The following LHFPL3 variants were observed in gnomAD, a reference collection of about 807,000 sequenced individuals.
LHFPL3 encodes LHFPL tetraspan subfamily member 3 protein.
A neutral mutation model predicts 19.3 loss-of-function variants in LHFPL3; 5 were observed. The ratio of observed to expected loss-of-function variants is 0.26; its 90% confidence interval spans 0.14 to 0.54. The LOEUF is 0.54. LHFPL3 is among the 20% of genes least tolerant of loss of function. The probability of loss-of-function intolerance (pLI) is 0.94; values close to 1 mark genes in which losing one functional copy is unlikely to be tolerated. For missense variants in LHFPL3, 249 were observed against 307.4 expected (o/e 0.81, Z 1.42); for synonymous variants, 133 against 126.2 (o/e 1.05, Z -0.36).
chr7:104,744,090 G>T (rs1793992906), intron 2 of LHFPL3: 1 of 151,694 alleles, frequency 6.6e-6, no homozygotes, highest in Non-Finnish European at 1.5e-5. Flanking sequence ...AGGCCCAAGG[G>T]ATCCACTTGC....
intron 2 of LHFPL3, among the ~76,000 whole-genome samples, chr7:104,873,044 T>C (rs1197578147): frequency 6.6e-6 from 1 of 152,212 alleles, no homozygotes; most frequent in African/African-American, 2.4e-5. Context: ...ACAGCTACAA[T>C]GTCATTAAAC....
intron 1 of LHFPL3, among the ~76,000 whole-genome samples, chr7:104,540,458 G>A (rs1338715523): frequency 6.6e-6 from 1 of 152,160 alleles, no homozygotes; most frequent in Admixed American, 6.5e-5. Flanking sequence ...ATAATGCACA[G>A]GACAGTCCCC....
chr7:104,736,728 G>A lies in LHFPL3; in HGVS notation c.499G>A (p.Glu167Lys). Residue 167 changes from glutamate (E) to lysine (K), a missense_variant, in exon 2 of 3, where the codon GAA becomes AAA. By Grantham distance (56) the Glu-to-Lys change is moderately conservative. Transcript: ENST00000424859. ...MIFPDGWDSDEVKRMCGEKTD... is the reference protein window; with the variant it reads ...MIFPDGWDSDKVKRMCGEKTD... ...TTTCCCTGATGGCTGGGACTCAGAT[G>A]AAGTAAAACGGATGTGTGGAGAAAA... The A allele has an allele frequency of 6.2e-7, 1 of 1,613,714 alleles. No homozygotes were observed. The highest frequency in any genetic ancestry group is 8.5e-7 in the Non-Finnish European group (1 of 1,179,820).
chr7:104,668,543 C>T, intron 1 of LHFPL3: 1 of 1,613,078 alleles, frequency 6.2e-7, no homozygotes, highest in South Asian at 1.1e-5. Context: ...ATGATAGAGG[C>T]TATGATTCCC....
chr7:104,746,416 C>T (rs373268372), intron 2 of LHFPL3, among the ~76,000 whole-genome samples: 1 of 152,158 alleles, frequency 6.6e-6, no homozygotes. Context: ...TTCCAATGCA[C>T]AGCCAGTATT....
chr7:104,766,378 C>T (rs1190897226), intron 2 of LHFPL3, among the ~76,000 whole-genome samples: 1 of 152,200 alleles, frequency 6.6e-6, no homozygotes, highest in African/African-American at 2.4e-5. Flanking sequence ...GGACATGAAC[C>T]AATAGCAAAG....
intron 1 of LHFPL3, among the ~76,000 whole-genome samples, chr7:104,409,467 T>C (rs1421725414): frequency 6.6e-6 from 1 of 151,968 alleles, no homozygotes; most frequent in Non-Finnish European, 1.5e-5. Flanking sequence ...AATACAAAAA[T>C]TAGCTGGGCA....
At chr7:104,555,163 C>T (rs1322927892) in intron 1 of LHFPL3, among the ~76,000 whole-genome samples, 1 of 152,132 alleles carries the variant, frequency 6.6e-6, no homozygotes, top group Non-Finnish European at 1.5e-5. Flanking sequence ...ATCTAGGTAT[C>T]CATTAAGCCA....
At chr7:104,753,924 T>C (rs546735085) in intron 2 of LHFPL3, among the ~76,000 whole-genome samples, 1 of 152,182 alleles carries the variant, frequency 6.6e-6, no homozygotes, top group South Asian at 2.1e-4. Flanking sequence ...CCAGTGGGAG[T>C]GCAGACCATT....
At chr7:104,521,859 A>C (rs1261732243) in intron 1 of LHFPL3, among the ~76,000 whole-genome samples, 1 of 152,178 alleles carries the variant, frequency 6.6e-6, no homozygotes, top group Non-Finnish European at 1.5e-5. Context: ...ACTAGTTAGA[A>C]TGGCAATCAT....
intron 1 of LHFPL3, among the ~76,000 whole-genome samples, chr7:104,680,833 GA>G (rs994441357): frequency 3.3e-5 from 5 of 152,156 alleles, no homozygotes; most frequent in African/African-American, 1.2e-4. Context: ...GGGTTGCCTA[GA>G]CAGGGGAATC....
intron 1 of LHFPL3, among the ~76,000 whole-genome samples, chr7:104,439,916 T>G (rs1030992112): frequency 6.6e-6 from 1 of 151,890 alleles, no homozygotes; most frequent in African/African-American, 2.4e-5. Flanking sequence ...ATTCACAATG[T>G]GATCATTTGC....
At chr7:104,640,068 G>A (rs1446402233) in intron 1 of LHFPL3, among the ~76,000 whole-genome samples, 1 of 152,094 alleles carries the variant, frequency 6.6e-6, no homozygotes, top group African/African-American at 2.4e-5. Flanking sequence ...AAATGACATT[G>A]GGTTTCCTAT....
chr7:104,781,140 T>C (rs963078006), intron 2 of LHFPL3, among the ~76,000 whole-genome samples: 8 of 152,136 alleles, frequency 5.3e-5, no homozygotes, highest in African/African-American at 1.7e-4. Flanking sequence ...ATAGGTACCA[T>C]TCCCAAGGAT....
intron 1 of LHFPL3, among the ~76,000 whole-genome samples, chr7:104,610,487 T>C (rs951395381): frequency 1.3e-5 from 2 of 152,118 alleles, no homozygotes; most frequent in Non-Finnish European, 2.9e-5. Flanking sequence ...CTCCAGCTGG[T>C]TGGCAAACTG....
chr7:104,823,843 A>C (rs1433013822), intron 2 of LHFPL3, among the ~76,000 whole-genome samples: 1 of 152,114 alleles, frequency 6.6e-6, no homozygotes, highest in Admixed American at 6.6e-5. Flanking sequence ...TAAACTATTC[A>C]AAAAAGATTT....
At position 104,499,162 on chromosome 7, in the gene LHFPL3, T is replaced by G. The variant is rs188034666; in HGVS notation, c.445+169938T>G. On this transcript the variant is annotated intron_variant, in intron 1 of 2. Coordinates refer to ENST00000424859, the MANE Select transcript of LHFPL3 (RefSeq NM_199000.3). ...AAATGGTGTCATCTTAACTACCTTA[T>G]GAGGAAAAGAGGAATATAAGGATAA... Among the ~76,000 whole-genome samples the G allele has an allele frequency of 4.6e-5, 7 of 152,308 alleles. No individual in the cohort carries two copies. In the East Asian group the frequency reaches 1.3e-3, roughly 29 times the overall value.
At chr7:104,474,684 CAACAAAAAAA>C (rs1261220152) in intron 1 of LHFPL3, among the ~76,000 whole-genome samples, 3 of 70,842 alleles carry the variant, frequency 4.2e-5, no homozygotes, top group Non-Finnish European at 5.5e-5. Flanking sequence ...ACAACAACAA[CAACAAAAAAA>C]AAAAAAAAAA....
At chr7:104,583,115 A>G (rs1314845446) in intron 1 of LHFPL3, among the ~76,000 whole-genome samples, 1 of 152,132 alleles carries the variant, frequency 6.6e-6, no homozygotes, top group African/African-American at 2.4e-5. Flanking sequence ...AAACAGAGAT[A>G]TAGACCAATG....
Sources: allele counts gnomAD v4.1 joint callset (sites outside exome capture counted in the v4.1 genomes callset), GRCh38; gene constraint gnomAD v4.1.1; transcripts MANE v1.5; gene names NCBI Gene and HGNC (gene_info 2026-07-23, HGNC 2026-07-21).